ELOF1: variants seen among roughly 807,000 people sequenced by gnomAD.
ELOF1 encodes transcription elongation factor 1 homolog.
A neutral mutation model predicts 7.1 loss-of-function variants in ELOF1; 4 were observed. The observed-to-expected ratio is 0.56, with a 90% CI of 0.28 to 1.29. The LOEUF is 1.29. ELOF1 is among the 50% of genes most tolerant of loss of function. The pLI, the probability that ELOF1 is intolerant of heterozygous loss-of-function variation, is 0.10. For missense variants in ELOF1, 59 were observed against 86.3 expected (o/e 0.68, Z 1.25); for synonymous variants, 31 against 31.9 (o/e 0.97, Z 0.09).
intron 1 of ELOF1, among the ~76,000 whole-genome samples, chr19:11,558,290 A>AT (rs1972862373): frequency 6.6e-6 from 1 of 151,930 alleles, no homozygotes; most frequent in South Asian, 2.1e-4. Context: ...TAATTTTTGT[A>AT]TTTTTTGTAG....
At chr19:11,554,653 C>T in intron 1 of ELOF1, 1 of 452,960 alleles carries the variant, frequency 2.2e-6, no homozygotes, top group Non-Finnish European at 3.9e-6. Context: ...AAAACAGAGA[C>T]AAGGCCAGGC....
intron 1 of ELOF1, among the ~76,000 whole-genome samples, chr19:11,557,730 T>G (rs1394261441): frequency 3.3e-5 from 5 of 150,460 alleles, no homozygotes; most frequent in Non-Finnish European, 5.9e-5. Flanking sequence ...CCATCTCTAC[T>G]AAAAATACAA....
chr19:11,554,410 C>T lies in ELOF1; in HGVS notation c.-18-45G>A, dbSNP rs755982675. 27 of 1,591,076 alleles carry T rather than the reference C, an allele frequency of 1.7e-5. No individual in the cohort carries two copies. The East Asian group carries it at 1.8e-4, about 11-fold the overall frequency. On this transcript the variant is annotated intron_variant, in intron 1 of 3. Coordinates refer to ENST00000586683, the Ensembl canonical transcript of ELOF1. ...TCAGTGGTTTGAGGAAACCACGCAG[C>T]GCCCCAGCTCAATGCTCTAGAAAGC...
chr19:11,555,415 AAG>A (rs1351620215), intron 1 of ELOF1: 1 of 152,762 alleles, frequency 6.5e-6, no homozygotes, highest in Non-Finnish European at 1.5e-5. Flanking sequence ...AGGGTGGCAC[AAG>A]AGACTCCAAG....
chr19:11,553,706 C>T (rs1244364462), intron 3 of ELOF1: 15 of 1,613,572 alleles, frequency 9.3e-6, no homozygotes, highest in Non-Finnish European at 1.1e-5. Flanking sequence ...GCTGGATCCA[C>T]AGTACGCGGG....
At chr19:11,556,602 AC>A (rs765342139) in intron 1 of ELOF1, among the ~76,000 whole-genome samples, 3 of 152,052 alleles carry the variant, frequency 2.0e-5, no homozygotes, top group Non-Finnish European at 4.4e-5. Context: ...CCCAGCCAAC[AC>A]CCCCAACTCT....
chr19:11,554,288 G>A (rs765296221), exon 2 of ELOF1: 35 of 1,613,866 alleles, frequency 2.2e-5, no homozygotes, highest in Non-Finnish European at 2.9e-5. Flanking sequence ...ACTGGGTCTC[G>A]AGGGTGCCTG....
chr19:11,556,383 T>A (rs947812181), intron 1 of ELOF1, among the ~76,000 whole-genome samples: 1 of 151,276 alleles, frequency 6.6e-6, no homozygotes, highest in Non-Finnish European at 1.5e-5. Flanking sequence ...CACTGCAACC[T>A]CCACCTCCCG....
intron 1 of ELOF1, among the ~76,000 whole-genome samples, chr19:11,557,921 C>T (rs1028477986): frequency 6.6e-6 from 1 of 152,102 alleles, no homozygotes; most frequent in Non-Finnish European, 1.5e-5. Flanking sequence ...CTATACTCAC[C>T]ACATGAAGAT....
intron 1 of ELOF1, 118 bp from the exon 2 acceptor site, chr19:11,554,483 G>A: frequency 3.6e-6 from 5 of 1,404,506 alleles, no homozygotes; most frequent in Non-Finnish European, 4.7e-6. Context: ...CGGGGCCTCT[G>A]CCCTTGAGGG....
chr19:11,553,429 C>T, intron 3 of ELOF1: 1 of 514,582 alleles, frequency 1.9e-6, no homozygotes, highest in Non-Finnish European at 3.5e-6. Flanking sequence ...ACAGCAAAGG[C>T]TTTCGGAGCC....
At chr19:11,554,658 C>T in intron 1 of ELOF1, 1 of 448,458 alleles carries the variant, frequency 2.2e-6, no homozygotes, top group South Asian at 5.2e-5. Context: ...AGAGACAAGG[C>T]CAGGCATGGT....
intron 1 of ELOF1, chr19:11,555,402 G>A (rs1972817691): frequency 6.5e-6 from 1 of 152,876 alleles, no homozygotes; most frequent in African/African-American, 2.4e-5. Context: ...ACTGTTCCTG[G>A]GGAGGGTGGC....
At chr19:11,557,185 CCT>C (rs1443610470) in intron 1 of ELOF1, among the ~76,000 whole-genome samples, 1 of 152,140 alleles carries the variant, frequency 6.6e-6, no homozygotes, top group East Asian at 1.9e-4. Flanking sequence ...TCCTTCCTCC[CCT>C]GAGAGCACAT....
intron 1 of ELOF1, chr19:11,555,544 G>A (rs1972819819): frequency 6.6e-6 from 1 of 152,390 alleles, no homozygotes; most frequent in Admixed American, 6.6e-5. Context: ...GTGACACTCA[G>A]GTTATCTGAT....
intron 1 of ELOF1, chr19:11,555,212 G>A (rs1448245470): frequency 2.1e-5 from 4 of 191,136 alleles, no homozygotes; most frequent in Admixed American, 6.4e-5. Flanking sequence ...AGCCGAGATC[G>A]CACCATTGCA....
At chr19:11,558,051 A>T (rs1020736048) in intron 1 of ELOF1, among the ~76,000 whole-genome samples, 1 of 152,046 alleles carries the variant, frequency 6.6e-6, no homozygotes, top group African/African-American at 2.4e-5. Context: ...CTGATGTCTA[A>T]CTTCCACCTA....
intron 3 of ELOF1, chr19:11,553,598 C>G: frequency 1.9e-6 from 1 of 535,844 alleles, no homozygotes; most frequent in Non-Finnish European, 2.9e-6. Context: ...CACACACACA[C>G]ACACACACAC....
chr19:11,553,360 C>A, intron 3 of ELOF1: 1 of 456,546 alleles, frequency 2.2e-6, no homozygotes, highest in Non-Finnish European at 3.9e-6. Flanking sequence ...AAACAGTCCC[C>A]CAATTCCGCC....
Sources: gnomAD v4.1 joint callset for allele counts (sites outside exome capture counted in the v4.1 genomes callset) on GRCh38, gnomAD v4.1.1 for gene constraint, MANE v1.5 for transcripts, NCBI Gene and HGNC (gene_info 2026-07-23, HGNC 2026-07-21) for gene names.